The following POLR3K variants were observed in gnomAD, a reference collection of about 807,000 sequenced individuals.
The protein encoded by POLR3K is RNA polymerase III subunit K.
POLR3K carries 11 observed loss-of-function variants against 13.5 expected under a neutral mutation model. The observed-to-expected ratio is 0.81, with a 90% CI of 0.51 to 1.35. The LOEUF is 1.35. POLR3K is among the 40% of genes most tolerant of loss of function. POLR3K has a pLI of 0.00. For missense variants in POLR3K, 144 were observed against 145.3 expected, an observed-to-expected ratio of 0.99 and a Z score of 0.05; for synonymous variants, 56 against 51.5, an observed-to-expected ratio of 1.09 and a Z score of -0.38.
At chr16:47,594 A>G (rs1567149408) in intron 2 of POLR3K, 37 bp from the exon 3 acceptor site, 1 of 1,603,826 alleles carries the variant, frequency 6.2e-7, no homozygotes, top group Non-Finnish European at 8.5e-7. Flanking sequence ...ACATTTAAAA[A>G]AAGATGCTAC....
intron 1 of POLR3K, 91 bp from the exon 2 acceptor site, chr16:51,736 C>T: frequency 9.3e-7 from 1 of 1,071,864 alleles, no homozygotes; most frequent in Non-Finnish European, 1.4e-6. Flanking sequence ...TAAGAGTTCA[C>T]TCGGCTGGGC....
intron 2 of POLR3K, among the ~76,000 whole-genome samples, chr16:49,414 C>A (rs904864973): frequency 6.6e-6 from 1 of 151,398 alleles, no homozygotes; most frequent in Admixed American, 6.6e-5. Context: ...CTCTTCAAAG[C>A]GATTTCACTT....
intron 1 of POLR3K, 56 bp downstream of exon 1, chr16:53,420 G>A (rs1897361667): frequency 2.6e-6 from 4 of 1,539,218 alleles, no homozygotes; most frequent in Non-Finnish European, 2.6e-6. Flanking sequence ...AGCAGTCGGA[G>A]GACGCGGAAG....
chr16:52,765 CAAAAAAAAAAA>C (rs946489081), intron 1 of POLR3K, among the ~76,000 whole-genome samples: 16 of 33,602 alleles, frequency 4.8e-4, no homozygotes, highest in South Asian at 1.4e-3. Context: ...GACTCCGTCT[CAAAAAAAAAAA>C]AAAAAAAAAA....
chr16:49,292 G>A (rs1408526592), intron 2 of POLR3K, among the ~76,000 whole-genome samples: 2 of 151,968 alleles, frequency 1.3e-5, no homozygotes, highest in African/African-American at 4.8e-5. Context: ...TACAAAATTA[G>A]CTGGGCGTGG....
At chr16:50,364 C>T (rs1055163119) in intron 2 of POLR3K, among the ~76,000 whole-genome samples, 18 of 152,262 alleles carry the variant, frequency 1.2e-4, no homozygotes, top group African/African-American at 3.6e-4. Flanking sequence ...CTCCTGGCCA[C>T]ATCTATGTCT....
chr16:50,867 A>G (rs566169403), intron 2 of POLR3K, among the ~76,000 whole-genome samples: 1 of 152,316 alleles, frequency 6.6e-6, no homozygotes, highest in East Asian at 1.9e-4. Context: ...GTGGCTGGGG[A>G]TGCCTCAGGA....
intron 1 of POLR3K, among the ~76,000 whole-genome samples, chr16:52,799 TAA>T (rs1335971952): frequency 1.3e-5 from 1 of 74,998 alleles, no homozygotes; most frequent in Non-Finnish European, 2.8e-5. Flanking sequence ...AAAAAAACAA[TAA>T]AAAAAAATAA....
At position 47,408 on chromosome 16, in the gene POLR3K, G is replaced by A; in HGVS notation, c.*22C>T. On this transcript the variant is annotated 3_prime_UTR_variant, in exon 3 of 3. Coordinates refer to ENST00000293860, the MANE Select transcript of POLR3K (RefSeq NM_016310.5). ...CGAGGGACAAGGCAAGCACACACTAGGGCAGCTGGGCCATCCTGGCCCTAA... is the reference window on the plus strand; with the variant it reads ...CGAGGGACAAGGCAAGCACACACTAAGGCAGCTGGGCCATCCTGGCCCTAA... 6.2e-7 allele frequency: 1 copy of A among 1,609,720 alleles called. No individual in the cohort carries two copies. Among genetic ancestry groups the A allele is most frequent in the African/African-American group, 1.3e-5 (1 of 74,944 alleles).
At position 53,459 on chromosome 16, in the gene POLR3K, C is replaced by G. The variant is rs779507380; in HGVS notation, c.111+17G>C. 20 of 1,599,944 alleles carry G rather than the reference C, an allele frequency of 1.3e-5. No individual in the cohort carries two copies. The highest frequency in any genetic ancestry group is 1.7e-5 in the Non-Finnish European group (20 of 1,172,536). ...TGCGAGAGTCGCCCGCGCCCAGCGC[C>G]GGCCTTCGGGTCCCACCTTGCGGGT... On this transcript the variant is annotated intron_variant, in intron 1 of 2. Transcript: ENST00000293860.
chr16:53,369 G>A, intron 1 of POLR3K, 107 bp downstream of exon 1: 1 of 1,456,538 alleles, frequency 6.9e-7, no homozygotes, highest in African/African-American at 1.5e-5. Flanking sequence ...GCGCGAGAAA[G>A]AGCGGACAGA....
chr16:50,459 CGT>C (rs1354189166), intron 2 of POLR3K, among the ~76,000 whole-genome samples: 11 of 152,268 alleles, frequency 7.2e-5, no homozygotes, highest in African/African-American at 2.6e-4. Flanking sequence ...ATATTAGAAG[CGT>C]GTATTAGTCC....
Position 53,599 on chromosome 16 carries a change from C to A in POLR3K, c.-13G>T, listed in dbSNP as rs757760786. On this transcript the variant is annotated 5_prime_UTR_variant, in exon 1 of 3. Coordinates refer to ENST00000293860, the MANE Select transcript of POLR3K (RefSeq NM_016310.5). ...AGAACAGCAGCATGGTCTCGAACTCCGCAGGCTCCAACTCCCGGCAGCTCC... is the reference window on the plus strand; with the variant it reads ...AGAACAGCAGCATGGTCTCGAACTCAGCAGGCTCCAACTCCCGGCAGCTCC... The A allele has an allele frequency of 1.2e-6, 2 of 1,603,084 alleles. No individual in the cohort carries two copies. The highest frequency in any genetic ancestry group is 4.5e-5 in the East Asian group (2 of 44,312).
In POLR3K at chr16:46,748, T is replaced by TA. The variant is rs1164622661; in HGVS notation, c.*681dup. 5 of 148,660 alleles carry TA rather than the reference T, an allele frequency of 3.4e-5. No homozygotes were observed. Among genetic ancestry groups the TA allele is most frequent in the Non-Finnish European group, 5.9e-5 (4 of 67,296 alleles). The allele number at this position is 148,660 out of a possible 1,614,324, so 9.2% of individuals were successfully genotyped here. ...TAAATAAATAAATAAATAAATAAAA[T>TA]AAATAAATAAATAAATAGTATCTTA... is the stretch of plus-strand genomic sequence containing the variant. On this transcript the variant is annotated 3_prime_UTR_variant, in exon 3 of 3. Coordinates refer to ENST00000293860, the MANE Select transcript of POLR3K (RefSeq NM_016310.5).
intron 2 of POLR3K, among the ~76,000 whole-genome samples, chr16:50,224 G>T (rs1897319994): frequency 6.6e-6 from 1 of 152,148 alleles, no homozygotes; most frequent in Non-Finnish European, 1.5e-5. Flanking sequence ...CTCCCAAAGT[G>T]CTGAGATTGC....
intron 1 of POLR3K, among the ~76,000 whole-genome samples, chr16:52,446 C>CAAAAAAAAAAAAAAA (rs767411954): frequency 5.4e-5 from 4 of 74,196 alleles, no homozygotes; most frequent in South Asian, 4.9e-4. Context: ...GACTCTGTCT[C>CAAAAAAAAAAAAAAA]AAAAAAAAAA....
At chr16:48,088 C>A (rs1297102830) in intron 2 of POLR3K, among the ~76,000 whole-genome samples, 3 of 151,164 alleles carry the variant, frequency 2.0e-5, no homozygotes, top group African/African-American at 2.4e-5. Flanking sequence ...GACAGGTTTT[C>A]ACTATGTTGG....
chr16:48,942 G>A (rs1001969779), intron 2 of POLR3K, among the ~76,000 whole-genome samples: 8 of 147,770 alleles, frequency 5.4e-5, no homozygotes, highest in African/African-American at 1.5e-4. Context: ...TCACGAGGTC[G>A]GGAGGTCAAG....
At chr16:52,487 A>G (rs990547706) in intron 1 of POLR3K, among the ~76,000 whole-genome samples, 1 of 73,752 alleles carries the variant, frequency 1.4e-5, no homozygotes, top group Non-Finnish European at 2.6e-5. Context: ...AAAAAAAAAA[A>G]GGTCGGGCGC....
Sources: allele counts gnomAD v4.1 joint callset (sites outside exome capture counted in the v4.1 genomes callset), GRCh38; gene constraint gnomAD v4.1.1; transcripts MANE v1.5; gene names NCBI Gene and HGNC (gene_info 2026-07-23, HGNC 2026-07-21).